The following MLIP variants were observed in gnomAD, a reference collection of about 807,000 sequenced individuals.
The protein encoded by MLIP is muscular LMNA interacting protein.
In MLIP, 79 loss-of-function variants were observed where a neutral mutation model predicts 84.8. That is an observed-to-expected ratio of 0.93 (90% CI 0.78 to 1.12). The LOEUF (loss-of-function observed/expected upper bound fraction) is 1.12. MLIP is among the 50% of genes most tolerant of loss of function. MLIP has a pLI of 0.00. For synonymous variants in MLIP, 504 were observed against 463.0 expected (o/e 1.09, Z -1.14); for missense variants, 1,257 against 1,160.6 (o/e 1.08, Z -1.21).
intron 1 of MLIP, among the ~76,000 whole-genome samples, chr6:54,096,319 T>C (rs1309497801): frequency 6.6e-6 from 1 of 152,190 alleles, no homozygotes; most frequent in Admixed American, 6.5e-5. Context: ...AGGTTTATTA[T>C]TAAAATTGGT....
chr6:54,068,038 T>TC (rs1561905144), intron 1 of MLIP, among the ~76,000 whole-genome samples: 2 of 45,750 alleles, frequency 4.4e-5, no homozygotes, highest in African/African-American at 8.3e-5. Context: ...CTTCCTTTTT[T>TC]CTTTCCTTCC....
At position 54,213,734 on chromosome 6, in the gene MLIP, A is replaced by AAAAAAAAAC. The variant is rs368508685; in HGVS notation, c.2718+11503_2718+11504insAAAAAACAA. 7.3e-5 allele frequency among the ~76,000 whole-genome samples: 6 copies of AAAAAAAAAC among 82,364 alleles called. 1 individual carries two copies. Among genetic ancestry groups the AAAAAAAAAC allele is most frequent in the African/African-American group, 2.7e-4 (6 of 22,302 alleles). The allele number at this position is 82,364 out of a possible 152,430, so 54.0% of individuals were successfully genotyped here. A position where few individuals can be genotyped will look rare whatever the true frequency, so the allele number is the denominator to read the frequency against. The stretch of plus-strand genomic sequence containing the variant: ...AAAAAAAAAAAAAAAAAAAAAAAAA[A>AAAAAAAAAC]AACAACAAACAGCATATCTTGTATG... On this transcript the variant is annotated intron_variant, in intron 11 of 13. Transcript: ENST00000502396.
At chr6:54,033,142 G>T (rs1022711489) in intron 1 of MLIP, among the ~76,000 whole-genome samples, 1 of 152,076 alleles carries the variant, frequency 6.6e-6, no homozygotes, top group Non-Finnish European at 1.5e-5. Context: ...GCCTGATGAT[G>T]ATCATGATAT....
At chr6:54,244,709 TA>T (rs1242190164) in intron 12 of MLIP, among the ~76,000 whole-genome samples, 3 of 152,172 alleles carry the variant, frequency 2.0e-5, no homozygotes, top group Non-Finnish European at 4.4e-5. Flanking sequence ...AAAGTGTACT[TA>T]ATTAATCATA....
intron 9 of MLIP, among the ~76,000 whole-genome samples, chr6:54,182,098 T>G (rs545097194): frequency 6.6e-6 from 1 of 152,304 alleles, no homozygotes; most frequent in South Asian, 2.1e-4. Flanking sequence ...GGAATTGCAG[T>G]CCTTATGTCC....
Position 54,137,819 on chromosome 6 carries a change from T to A in MLIP, c.1750T>A (p.Ser584Thr), listed in dbSNP as rs1291777496. 2.7e-5 allele frequency: 42 copies of A among 1,535,954 alleles called. No homozygotes were observed. The highest frequency in any genetic ancestry group is 3.7e-5 in the Non-Finnish European group (42 of 1,146,892). The change falls in exon 4 of 14, where the codon TCT becomes ACT. Residue 584 changes from serine (S) to threonine (T), a missense_variant. Physicochemically the swap from Ser to Thr is moderately conservative, Grantham distance 58. Transcript: ENST00000502396. ...ENPRNIHTYPSTLASSALSSL... is the reference protein window; with the variant it reads ...ENPRNIHTYPTTLASSALSSL... ...CCCCAGAAACATTCACACGTACCCT[T>A]CTACATTAGCCTCCTCTGCATTATC...
At chr6:54,198,894 GTATA>G (rs1294537991) in intron 10 of MLIP, among the ~76,000 whole-genome samples, 8 of 74,698 alleles carry the variant, frequency 1.1e-4, no homozygotes, top group Non-Finnish European at 2.8e-4. Context: ...GTGTGTGTGT[GTATA>G]TGTGTGTGTG....
intron 5 of MLIP, among the ~76,000 whole-genome samples, chr6:54,151,083 G>A (rs77511270): frequency 0.013 from 2,036 of 152,208 alleles, 45 homozygotes; most frequent in African/African-American, 0.047. Context: ...AAGGGCTAGT[G>A]TAGGTTGTTG....
upstream of MLIP, among the ~76,000 whole-genome samples, chr6:54,106,467 G>A (rs1053997118): frequency 2.0e-5 from 3 of 152,248 alleles, no homozygotes; most frequent in African/African-American, 7.2e-5. Flanking sequence ...AGACCAATTA[G>A]GAGGCAATGA....
intron 1 of MLIP, among the ~76,000 whole-genome samples, chr6:54,085,929 ACTT>A (rs941991764): frequency 2.6e-5 from 4 of 152,094 alleles, no homozygotes; most frequent in Non-Finnish European, 4.4e-5. Flanking sequence ...TGCTGCTCTC[ACTT>A]CTTCTGAATT....
At chr6:54,209,930 A>T (rs1192410499) in intron 11 of MLIP, among the ~76,000 whole-genome samples, 1 of 151,848 alleles carries the variant, frequency 6.6e-6, no homozygotes, top group Non-Finnish European at 1.5e-5. Flanking sequence ...AAGGCTCTTG[A>T]AAATTGTCAT....
At chr6:54,125,091 A>G (rs1373941560) in intron 3 of MLIP, among the ~76,000 whole-genome samples, 1 of 152,256 alleles carries the variant, frequency 6.6e-6, no homozygotes, top group African/African-American at 2.4e-5. Flanking sequence ...TTGGCTGAAG[A>G]GAAAATGTAA....
At chr6:54,200,067 A>T (rs1778562622) in intron 10 of MLIP, among the ~76,000 whole-genome samples, 1 of 152,142 alleles carries the variant, frequency 6.6e-6, no homozygotes, top group Non-Finnish European at 1.5e-5. Flanking sequence ...ACTGGTAGAG[A>T]AGCAAATATG....
intron 2 of MLIP, among the ~76,000 whole-genome samples, chr6:54,123,181 C>T (rs2150439690): frequency 6.6e-6 from 1 of 151,736 alleles, no homozygotes; most frequent in Non-Finnish European, 1.5e-5. Context: ...GTGATCCGCC[C>T]TCCTCGGCCT....
intron 11 of MLIP, chr6:54,215,242 C>A (rs1478715954): frequency 3.3e-6 from 5 of 1,512,466 alleles, no homozygotes; most frequent in Non-Finnish European, 4.4e-6. Flanking sequence ...TTACTGTAGC[C>A]TTTGACTTTC....
At chr6:54,129,615 G>A (rs886874034) in intron 3 of MLIP, among the ~76,000 whole-genome samples, 1 of 152,174 alleles carries the variant, frequency 6.6e-6, no homozygotes, top group African/African-American at 2.4e-5. Flanking sequence ...TGACCCGAGA[G>A]ATTTAGAGGT....
chr6:54,203,371 TAATCC>T (rs959021445), intron 11 of MLIP, among the ~76,000 whole-genome samples: 1 of 152,118 alleles, frequency 6.6e-6, no homozygotes, highest in Non-Finnish European at 1.5e-5. Context: ...TCATATTTTA[TAATCC>T]ATAATAAAAT....
chr6:54,198,949 A>G (rs1562048069), intron 10 of MLIP, among the ~76,000 whole-genome samples: 1 of 151,792 alleles, frequency 6.6e-6, no homozygotes, highest in Non-Finnish European at 1.5e-5. Context: ...GTGGATGTGT[A>G]CAGTCACCAG....
chr6:54,120,245 T>G (rs546631735), intron 1 of MLIP, among the ~76,000 whole-genome samples: 1 of 152,106 alleles, frequency 6.6e-6, no homozygotes, highest in African/African-American at 2.4e-5. Flanking sequence ...TTTTTATTTT[T>G]TTTTTTTGAG....
Sources: allele counts gnomAD v4.1 joint callset (sites outside exome capture counted in the v4.1 genomes callset), GRCh38; gene constraint gnomAD v4.1.1; transcripts MANE v1.5; gene names NCBI Gene and HGNC (gene_info 2026-07-23, HGNC 2026-07-21).